ARL8B: variants seen among roughly 807,000 people sequenced by gnomAD.
The protein encoded by ARL8B is ARF like GTPase 8B, also known as ADP-ribosylation factor-like protein 8B.
ARL8B carries 9 observed loss-of-function variants against 30.6 expected under a neutral mutation model. The observed-to-expected ratio is 0.29, with a 90% confidence interval of 0.18 to 0.51. The LOEUF (loss-of-function observed/expected upper bound fraction) is 0.51. Ranked by LOEUF, ARL8B falls within the 20% of genes least tolerant of loss-of-function variation. The pLI is 0.97. For missense variants in ARL8B, 130 were observed against 227.2 expected (o/e 0.57, Z 2.75); for synonymous variants, 74 against 76.0 (o/e 0.97, Z 0.14).
chr3:5,157,419 C>G (rs1367900565), intron 1 of ARL8B, among the ~76,000 whole-genome samples: 1 of 152,160 alleles, frequency 6.6e-6, no homozygotes, highest in Non-Finnish European at 1.5e-5. Flanking sequence ...GAGGCTCCTG[C>G]CTTTCCCTCA....
rs1022710653 is a variant in ARL8B, at chr3:5,180,734, C to G, written c.*2021C>G. The G allele has an allele frequency of 2.6e-5, 4 of 152,546 alleles. No homozygotes were observed. The highest frequency in any genetic ancestry group is 6.5e-5 in the Admixed American group (1 of 15,276). The allele number at this position is 152,546 out of a possible 1,614,324, so 9.4% of individuals were successfully genotyped here. ...TTCTCAGCTTTATTCAATAAACTTG[C>G]ATTTTAAGGGTTGTATTGGCAATTT... On this transcript the variant is annotated 3_prime_UTR_variant, in exon 7 of 7. Coordinates refer to ENST00000256496, the MANE Select transcript of ARL8B (RefSeq NM_018184.3).
At chr3:5,135,786 T>TTAC (rs1456928420) in intron 1 of ARL8B, among the ~76,000 whole-genome samples, 8 of 125,866 alleles carry the variant, frequency 6.4e-5, no homozygotes, top group Non-Finnish European at 1.3e-4. Flanking sequence ...ATTATTATTA[T>TTAC]TATTATTATT....
chr3:5,127,348 C>G (rs956405770), intron 1 of ARL8B, among the ~76,000 whole-genome samples: 12 of 152,124 alleles, frequency 7.9e-5, no homozygotes, highest in African/African-American at 2.9e-4. Flanking sequence ...CATTAAACAT[C>G]TTTTTTGTAT....
At chr3:5,131,345 A>G (rs2054281460) in intron 1 of ARL8B, among the ~76,000 whole-genome samples, 1 of 151,872 alleles carries the variant, frequency 6.6e-6, no homozygotes, top group Non-Finnish European at 1.5e-5. Context: ...TAATTTAGCT[A>G]TTTCGTTTCT....
At chr3:5,142,423 C>A (rs375655911) in intron 1 of ARL8B, among the ~76,000 whole-genome samples, 48 of 152,216 alleles carry the variant, frequency 3.2e-4, no homozygotes, top group African/African-American at 9.9e-4. Flanking sequence ...AGTCTTGTTT[C>A]CCCATGCGTC....
intron 1 of ARL8B, among the ~76,000 whole-genome samples, chr3:5,153,067 C>T (rs1437039942): frequency 2.0e-5 from 3 of 152,086 alleles, no homozygotes; most frequent in African/African-American, 7.2e-5. Flanking sequence ...CTGTTCCTTG[C>T]AGTGGTTCTT....
chr3:5,147,701 A>G (rs2054440831), intron 1 of ARL8B, among the ~76,000 whole-genome samples: 1 of 151,962 alleles, frequency 6.6e-6, no homozygotes, highest in African/African-American at 2.4e-5. Flanking sequence ...GCTTCCCTGA[A>G]TAATTCCTTA....
intron 1 of ARL8B, among the ~76,000 whole-genome samples, chr3:5,140,710 A>T (rs1265328935): frequency 6.6e-6 from 1 of 152,062 alleles, no homozygotes; most frequent in Admixed American, 6.6e-5. Context: ...GTATGTATGG[A>T]GCTGTGATTT....
chr3:5,140,544 C>T (rs3864059), intron 1 of ARL8B, among the ~76,000 whole-genome samples: 1 of 150,814 alleles, frequency 6.6e-6, no homozygotes, highest in African/African-American at 2.5e-5. Flanking sequence ...AGAACAGACT[C>T]ATACACCTTC....
chr3:5,142,498 A>C (rs2054383013), intron 1 of ARL8B, among the ~76,000 whole-genome samples: 1 of 152,102 alleles, frequency 6.6e-6, no homozygotes, highest in African/African-American at 2.4e-5. Context: ...TCCTAGGGGA[A>C]ATGGAACCAC....
At chr3:5,131,819 T>C (rs2054286070) in intron 1 of ARL8B, among the ~76,000 whole-genome samples, 1 of 152,256 alleles carries the variant, frequency 6.6e-6, no homozygotes, top group Non-Finnish European at 1.5e-5. Context: ...TTTGTCTTTT[T>C]TTCAGAGTTC....
intron 1 of ARL8B, among the ~76,000 whole-genome samples, chr3:5,162,284 C>T (rs1301406401): frequency 6.6e-6 from 1 of 152,214 alleles, no homozygotes; most frequent in East Asian, 1.9e-4. Context: ...CAGGTTGGAG[C>T]CACAGTCAGT....
chr3:5,148,901 C>T (rs542451474), intron 1 of ARL8B, among the ~76,000 whole-genome samples: 1 of 152,096 alleles, frequency 6.6e-6, no homozygotes, highest in African/African-American at 2.4e-5. Flanking sequence ...TCTTTGGCTC[C>T]CTCTTTGCTT....
chr3:5,174,113 T>C, intron 5 of ARL8B, 29 bp downstream of exon 5: 3 of 1,565,868 alleles, frequency 1.9e-6, no homozygotes, highest in Non-Finnish European at 2.6e-6. Context: ...ATTTTAATAA[T>C]TTGCTTCTAA....
chr3:5,126,094 G>A (rs560540815), intron 1 of ARL8B, among the ~76,000 whole-genome samples: 54 of 151,036 alleles, frequency 3.6e-4, no homozygotes, highest in African/African-American at 1.3e-3. Flanking sequence ...ATGCTGAAAG[G>A]GACCCCCTCA....
chr3:5,154,341 T>TC (rs1234870112), intron 1 of ARL8B, among the ~76,000 whole-genome samples: 2 of 142,276 alleles, frequency 1.4e-5, no homozygotes, highest in African/African-American at 5.7e-5. Context: ...AAATAACTTT[T>TC]TTTTTTTTTT....
intron 1 of ARL8B, among the ~76,000 whole-genome samples, chr3:5,132,865 A>G (rs187090294): frequency 1.3e-5 from 2 of 152,318 alleles, no homozygotes; most frequent in East Asian, 1.9e-4. Context: ...ACAAAATGCT[A>G]TTGGAATTCT....
intron 1 of ARL8B, among the ~76,000 whole-genome samples, chr3:5,155,436 G>A (rs1459034524): frequency 6.6e-6 from 1 of 152,130 alleles, no homozygotes; most frequent in Non-Finnish European, 1.5e-5. Flanking sequence ...TTATGTTCAT[G>A]TCTTTCACCA....
intron 1 of ARL8B, among the ~76,000 whole-genome samples, chr3:5,161,109 G>T (rs903126285): frequency 5.9e-5 from 9 of 152,162 alleles, no homozygotes; most frequent in South Asian, 4.1e-4. Context: ...TTGTAGAGAT[G>T]GGGTCTTGCT....
Sources: gnomAD v4.1 joint callset for allele counts (sites outside exome capture counted in the v4.1 genomes callset) on GRCh38, gnomAD v4.1.1 for gene constraint, MANE v1.5 for transcripts, NCBI Gene and HGNC (gene_info 2026-07-23, HGNC 2026-07-21) for gene names.